Variants in TMPRSS2 observed in about 807,000 individuals in gnomAD.
TMPRSS2 encodes the protein transmembrane serine protease 2.
A neutral mutation model predicts 67.4 loss-of-function variants in TMPRSS2; 59 were observed. The observed-to-expected ratio is 0.88, with a 90% CI of 0.71 to 1.09. The LOEUF is 1.09. TMPRSS2 is among the 50% of genes least tolerant of loss of function. The pLI is 0.00. For missense variants in TMPRSS2, 668 were observed against 642.7 expected (o/e 1.04, Z -0.43); for synonymous variants, 257 against 257.0 (o/e 1.00, Z 0.00).
chr21:41,476,695 C>T, intron 7 of TMPRSS2, 75 bp from the exon 8 acceptor site: 1 of 1,287,786 alleles, frequency 7.8e-7, no homozygotes, highest in Non-Finnish European at 1.1e-6. Context: ...AGAAATCAGT[C>T]ATTTCTTCCG....
chr21:41,481,387 G>A (rs2091256048), intron 5 of TMPRSS2, among the ~76,000 whole-genome samples: 1 of 152,160 alleles, frequency 6.6e-6, no homozygotes, highest in African/African-American at 2.4e-5. Context: ...CCCACGTATT[G>A]CATGATCCCG....
intron 2 of TMPRSS2, among the ~76,000 whole-genome samples, chr21:41,497,909 C>T (rs367885466): frequency 1.1e-3 from 166 of 152,340 alleles, no homozygotes; most frequent in African/African-American, 3.7e-3. Flanking sequence ...CCACGTGTAC[C>T]CAACAGCCAT....
chr21:41,495,706 G>A (rs1199724317), intron 2 of TMPRSS2, among the ~76,000 whole-genome samples: 1 of 151,722 alleles, frequency 6.6e-6, no homozygotes, highest in African/African-American at 2.4e-5. Context: ...AAGAAAGAGG[G>A]AAAATTGAGG....
chr21:41,468,040 T>A, intron 12 of TMPRSS2, 154 bp from the exon 13 acceptor site: 1 of 760,310 alleles, frequency 1.3e-6, no homozygotes, highest in Non-Finnish European at 2.1e-6. Context: ...GGGGTGATGG[T>A]AACAGAGATG....
intron 9 of TMPRSS2, among the ~76,000 whole-genome samples, chr21:41,472,264 G>A (rs1044940851): frequency 6.6e-6 from 1 of 152,220 alleles, no homozygotes; most frequent in Non-Finnish European, 1.5e-5. Context: ...CCTCCCTGGG[G>A]TTTCAAGGCC....
At chr21:41,491,852 T>C (rs391099) in intron 3 of TMPRSS2, among the ~76,000 whole-genome samples, 42,155 of 152,050 alleles carry the variant, frequency 0.28, 6,220 homozygotes, top group African/African-American at 0.36. Context: ...CACTGGGTCT[T>C]GGCTTGTCAC....
chr21:41,465,347 TG>T lies in TMPRSS2; in HGVS notation c.*794del. 1 of 233,690 alleles carries T rather than the reference TG, an allele frequency of 4.3e-6. No homozygotes were observed. Among genetic ancestry groups the T allele is most frequent in the Non-Finnish European group, 8.5e-6 (1 of 118,050 alleles). 14.5% of individuals were successfully genotyped at this position (233,690 alleles called of 1,614,324 possible). A position where few individuals can be genotyped will look rare whatever the true frequency, so the allele number is the denominator to read the frequency against. ...GAAGAGGCCAACATGGTGCCAGACT[TG>T]GCGCCCTGCCAGGACCAAGGGGCAT... On this transcript the variant is annotated 3_prime_UTR_variant, in exon 14 of 14. Coordinates refer to ENST00000332149, the MANE Select transcript of TMPRSS2 (RefSeq NM_005656.4).
At chr21:41,487,337 T>A (rs2091305899) in intron 5 of TMPRSS2, 1 of 114,262 alleles carries the variant, frequency 8.8e-6, no homozygotes, top group African/African-American at 3.0e-5. Flanking sequence ...TGTATAAACA[T>A]CAAACTCACA....
At position 41,471,840 on chromosome 21, in the gene TMPRSS2, C is replaced by T. The variant is rs147827602; in HGVS notation, c.1041G>A (p.Ala347=). The T allele has an allele frequency of 4.2e-5, 68 of 1,612,142 alleles. No individual in the cohort carries two copies. The highest frequency in any genetic ancestry group is 2.2e-4 in the East Asian group (10 of 44,854). ...TCAGAGGCTTCTGCAGCTTCATCAG[C>T]GCAATGTCATTGTTCTTGGTCTTGG... ...YDSKTKNNDI[A]LMKLQKPLTF... is the part of the protein sequence containing the mutation. The change falls in exon 10 of 14, where the codon GCG becomes GCA. Residue 347 remains alanine, a synonymous_variant. Transcript: ENST00000332149.
intron 7 of TMPRSS2, 64 bp downstream of exon 7, chr21:41,479,108 A>G: frequency 4.0e-6 from 5 of 1,263,508 alleles, no homozygotes. Flanking sequence ...CAGGACAACG[A>G]TTCCCCATGG....
At chr21:41,489,378 G>T in intron 4 of TMPRSS2, 129 bp downstream of exon 4, 1 of 648,064 alleles carries the variant, frequency 1.5e-6, no homozygotes. Context: ...AAGAGAGACA[G>T]CCTCGTTATG....
chr21:41,494,319 G>A, intron 3 of TMPRSS2, 37 bp downstream of exon 3: 1 of 1,607,018 alleles, frequency 6.2e-7, no homozygotes, highest in Non-Finnish European at 8.5e-7. Flanking sequence ...CGGGACCCCG[G>A]GTTTATTACA....
intron 11 of TMPRSS2, among the ~76,000 whole-genome samples, chr21:41,469,903 T>C (rs1461069953): frequency 6.6e-6 from 1 of 152,174 alleles, no homozygotes; most frequent in Non-Finnish European, 1.5e-5. Flanking sequence ...TTGGATTCCA[T>C]GAGGTCTTTT....
rs1023559980 is a variant in TMPRSS2 at position 41,471,839 on chromosome 21, G to A, written c.1042C>T (p.Leu348=). Reference sequence around the variant, plus strand: ...GTCAGAGGCTTCTGCAGCTTCATCAGCGCAATGTCATTGTTCTTGGTCTTG... The same window carrying A: ...GTCAGAGGCTTCTGCAGCTTCATCAACGCAATGTCATTGTTCTTGGTCTTG... The part of the protein sequence containing the change: ...DSKTKNNDIA[L]MKLQKPLTFN... Residue 348 remains leucine, a synonymous_variant, in exon 10 of 14, where the codon CTG becomes TTG. Coordinates refer to ENST00000332149, the MANE Select transcript of TMPRSS2 (RefSeq NM_005656.4). The A allele has an allele frequency of 5.0e-6, 8 of 1,611,952 alleles. No homozygotes were observed. The African/African-American group carries it at 9.3e-5, about 19-fold the overall frequency.
chr21:41,507,342 G>A (rs988643253), intron 1 of TMPRSS2, among the ~76,000 whole-genome samples: 1 of 152,164 alleles, frequency 6.6e-6, no homozygotes, highest in African/African-American at 2.4e-5. Flanking sequence ...GGAGGAGCCA[G>A]ACCGGCTCCT....
chr21:41,507,878 C>T, intron 1 of TMPRSS2: 1 of 1,470,860 alleles, frequency 6.8e-7, no homozygotes, highest in South Asian at 1.3e-5. Context: ...CCCAGGCGCC[C>T]AGCACTCTCC....
chr21:41,468,328 CCT>C (rs2146420728), intron 12 of TMPRSS2, 66 bp downstream of exon 12: 3 of 1,575,956 alleles, frequency 1.9e-6, no homozygotes, highest in East Asian at 2.3e-5. Flanking sequence ...CCAAGAATGC[CCT>C]CTCTCTCATG....
At chr21:41,492,195 AAAAC>A (rs1169394115) in intron 3 of TMPRSS2, among the ~76,000 whole-genome samples, 6 of 150,640 alleles carry the variant, frequency 4.0e-5, no homozygotes, top group Middle Eastern at 3.4e-3. Flanking sequence ...TTTGTCTCAA[AAAAC>A]AAACAAACAA....
At chr21:41,477,493 G>A (rs2091223745) in intron 7 of TMPRSS2, among the ~76,000 whole-genome samples, 1 of 152,120 alleles carries the variant, frequency 6.6e-6, no homozygotes, top group African/African-American at 2.4e-5. Context: ...CAGCCTCACA[G>A]AATTACCCCT....
Sources: allele counts gnomAD v4.1 joint callset (sites outside exome capture counted in the v4.1 genomes callset), GRCh38; gene constraint gnomAD v4.1.1; transcripts MANE v1.5; gene names NCBI Gene and HGNC (gene_info 2026-07-23, HGNC 2026-07-21).